Variants in RAB1A observed in about 807,000 individuals in gnomAD.
RAB1A encodes the protein RAB1A, member RAS oncogene family.
RAB1A carries 2 observed loss-of-function variants against 26.0 expected under a neutral mutation model. The ratio of observed to expected loss-of-function variants is 0.08; its 90% CI spans 0.03 to 0.24. The LOEUF (loss-of-function observed/expected upper bound fraction) is 0.24, where lower values mean the gene tolerates loss of function less well. RAB1A is among the 10% of genes least tolerant of loss of function. The pLI is 1.00. For missense variants in RAB1A, 100 were observed against 247.0 expected, an observed-to-expected ratio of 0.40 and a Z score of 3.99; for synonymous variants, 84 against 84.9, an observed-to-expected ratio of 0.99 and a Z score of 0.06.
At chr2:65,101,694 G>T (rs1408147163) in intron 2 of RAB1A, among the ~76,000 whole-genome samples, 3 of 128,938 alleles carry the variant, frequency 2.3e-5, no homozygotes, top group Non-Finnish European at 3.2e-5. Context: ...TACAAATAAA[G>T]TTGAGCCTTT....
At chr2:65,112,036 T>A (rs1304004185) in intron 1 of RAB1A, among the ~76,000 whole-genome samples, 1 of 151,720 alleles carries the variant, frequency 6.6e-6, no homozygotes, top group Admixed American at 6.6e-5. Context: ...TAAGCTGATA[T>A]CGCACCACTG....
At chr2:65,123,285 C>T (rs188538853) in intron 1 of RAB1A, among the ~76,000 whole-genome samples, 47 of 151,308 alleles carry the variant, frequency 3.1e-4, no homozygotes, top group African/African-American at 1.0e-3. Context: ...ATTCTCCTGC[C>T]TCAGCCTCCC....
intron 1 of RAB1A, among the ~76,000 whole-genome samples, chr2:65,125,027 A>C (rs1166548989): frequency 6.8e-6 from 1 of 146,606 alleles, no homozygotes; most frequent in Non-Finnish European, 1.5e-5. Context: ...TTTTGTTAAA[A>C]ATTATTTGAA....
At chr2:65,114,923 C>T (rs1254148882) in intron 1 of RAB1A, among the ~76,000 whole-genome samples, 1 of 152,058 alleles carries the variant, frequency 6.6e-6, no homozygotes, top group Non-Finnish European at 1.5e-5. Flanking sequence ...GTCACAAGGG[C>T]TCTGCCCTCA....
At chr2:65,091,975 G>A (rs1032338356) in intron 3 of RAB1A, among the ~76,000 whole-genome samples, 6 of 152,176 alleles carry the variant, frequency 3.9e-5, no homozygotes, top group Non-Finnish European at 8.8e-5. Flanking sequence ...ATAGTTCTGG[G>A]TTTTAAAAAA....
At chr2:65,105,813 AG>A (rs1240960633) in intron 1 of RAB1A, among the ~76,000 whole-genome samples, 1 of 151,758 alleles carries the variant, frequency 6.6e-6, no homozygotes, top group African/African-American at 2.4e-5. Flanking sequence ...CCCAGGCTGG[AG>A]TGCAGTGGCG....
At chr2:65,126,178 G>C (rs1332492202) in intron 1 of RAB1A, among the ~76,000 whole-genome samples, 2 of 151,852 alleles carry the variant, frequency 1.3e-5, no homozygotes. Context: ...GCTGGTTATG[G>C]TGGCAAATGC....
At chr2:65,123,224 G>A (rs1348471769) in intron 1 of RAB1A, among the ~76,000 whole-genome samples, 2 of 146,690 alleles carry the variant, frequency 1.4e-5, no homozygotes, top group Non-Finnish European at 3.0e-5. Context: ...AGGCTGGAGT[G>A]CAGTGGCGCG....
intron 1 of RAB1A, among the ~76,000 whole-genome samples, chr2:65,120,414 CCACTA>C (rs960528872): frequency 1.4e-5 from 2 of 145,764 alleles, no homozygotes; most frequent in African/African-American, 5.1e-5. Context: ...CAAGATCACA[CCACTA>C]CACTCCAGCC....
rs1318696006 is a variant in RAB1A at position 65,130,018 on chromosome 2, G to T, written c.-103C>A. 6.9e-6 allele frequency: 9 copies of T among 1,303,406 alleles called. No individual in the cohort carries two copies. Among genetic ancestry groups the T allele is most frequent in the Non-Finnish European group, 9.7e-6 (9 of 924,178 alleles). The allele number at this position is 1,303,406 out of a possible 1,614,324, so 80.7% of individuals were successfully genotyped here. ...TCGAAAGAAAGGAATGAGATAGGCT[G>T]TTCCGGGAGAGCAAACGTCTTCCCC... On this transcript the variant is annotated 5_prime_UTR_variant, in exon 1 of 6. Coordinates refer to ENST00000409784, the MANE Select transcript of RAB1A (RefSeq NM_004161.5).
At chr2:65,113,459 A>ATT (rs1669749973) in intron 1 of RAB1A, among the ~76,000 whole-genome samples, 1 of 152,194 alleles carries the variant, frequency 6.6e-6, no homozygotes, top group South Asian at 2.1e-4. Context: ...TGAGCTAGGA[A>ATT]TAGAACCATT....
chr2:65,129,721 C>T (rs1670193183), intron 1 of RAB1A, among the ~76,000 whole-genome samples, 172 bp downstream of exon 1: 2 of 151,716 alleles, frequency 1.3e-5, no homozygotes, highest in African/African-American at 4.9e-5. Flanking sequence ...CGCGCGGCCG[C>T]CCCTCCGCGT....
chr2:65,129,994 C>A lies in RAB1A; in HGVS notation c.-79G>T. On this transcript the variant is annotated 5_prime_UTR_variant, in exon 1 of 6. Transcript: ENST00000409784. Reference sequence around the variant, plus strand: ...CCTGACTCTCCGCGCCACGGGTAATCGAAAGAAAGGAATGAGATAGGCTGT... The same window carrying A: ...CCTGACTCTCCGCGCCACGGGTAATAGAAAGAAAGGAATGAGATAGGCTGT... 1 of 1,482,096 alleles carries A rather than the reference C, an allele frequency of 6.7e-7. No individual in the cohort carries two copies. The highest frequency in any genetic ancestry group is 9.2e-7 in the Non-Finnish European group (1 of 1,084,324). 91.8% of individuals were successfully genotyped at this position (1,482,096 alleles called of 1,614,324 possible).
rs1443384907 is a variant in RAB1A at position 65,088,386 on chromosome 2, G to C, written c.*107C>G. 8 of 906,446 alleles carry C rather than the reference G, an allele frequency of 8.8e-6. No individual in the cohort carries two copies. Among genetic ancestry groups the C allele is most frequent in the African/African-American group, 1.7e-5 (1 of 59,188 alleles). 56.2% of individuals were successfully genotyped at this position (906,446 alleles called of 1,614,324 possible). ...TCTCTGACCTTTGTGGAGACGGTAA[G>C]AATCTGTTGTAGTGCAGCTACATAC... On this transcript the variant is annotated 3_prime_UTR_variant, in exon 6 of 6. Coordinates refer to ENST00000409784, the MANE Select transcript of RAB1A (RefSeq NM_004161.5).
intron 2 of RAB1A, among the ~76,000 whole-genome samples, chr2:65,099,766 G>A (rs1426407894): frequency 6.6e-6 from 1 of 152,136 alleles, no homozygotes; most frequent in East Asian, 1.9e-4. Flanking sequence ...ACAGGTGTGA[G>A]CCACCAAACT....
chr2:65,097,879 ATT>A, intron 3 of RAB1A, 90 bp downstream of exon 3: 1 of 648,424 alleles, frequency 1.5e-6, no homozygotes, highest in Non-Finnish European at 2.5e-6. Context: ...TTTACATTCA[ATT>A]TTGTTAGCAT....
chr2:65,094,079 C>T (rs1669230813), intron 3 of RAB1A, among the ~76,000 whole-genome samples: 1 of 152,028 alleles, frequency 6.6e-6, no homozygotes, highest in Non-Finnish European at 1.5e-5. Context: ...AAGCAATCCT[C>T]CCACCTCAGC....
At chr2:65,116,851 G>C (rs768149276) in intron 1 of RAB1A, among the ~76,000 whole-genome samples, 5 of 152,180 alleles carry the variant, frequency 3.3e-5, no homozygotes, top group Non-Finnish European at 7.3e-5. Flanking sequence ...CAGCAAGTGT[G>C]CCCTCTACAG....
chr2:65,122,165 A>ATT (rs1669979007), intron 1 of RAB1A, among the ~76,000 whole-genome samples: 2 of 19,534 alleles, frequency 1.0e-4, no homozygotes, highest in African/African-American at 3.5e-4. Context: ...CAAAAAAAAA[A>ATT]AAAAAAAAAA....
Sources: gnomAD v4.1 joint callset for allele counts (sites outside exome capture counted in the v4.1 genomes callset) on GRCh38, gnomAD v4.1.1 for gene constraint, MANE v1.5 for transcripts, NCBI Gene and HGNC (gene_info 2026-07-23, HGNC 2026-07-21) for gene names.